The following ZEB1 variants were observed in gnomAD, a reference collection of about 807,000 sequenced individuals.
ZEB1 encodes the protein zinc finger E-box-binding homeobox 1.
A neutral mutation model predicts 84.9 loss-of-function variants in ZEB1; 21 were observed. The ratio of observed to expected loss-of-function variants is 0.25; its 90% CI spans 0.18 to 0.36. The LOEUF is 0.36. ZEB1 is among the 10% of genes least tolerant of loss of function. ZEB1 has a pLI of 1.00. For missense variants in ZEB1, 1,104 were observed against 1,330.2 expected, an observed-to-expected ratio of 0.83 and a Z score of 2.65; for synonymous variants, 420 against 471.1, an observed-to-expected ratio of 0.89 and a Z score of 1.41.
At chr10:31,481,580 T>C (rs2065046343) in intron 2 of ZEB1, among the ~76,000 whole-genome samples, 1 of 151,810 alleles carries the variant, frequency 6.6e-6, no homozygotes, top group Admixed American at 6.6e-5. Flanking sequence ...TCCCAACTAC[T>C]CGGGAGGCTG....
chr10:31,378,636 T>A (rs1347745873), intron 1 of ZEB1, among the ~76,000 whole-genome samples: 1 of 151,808 alleles, frequency 6.6e-6, no homozygotes. Flanking sequence ...AAGAAAAACT[T>A]TTTTTTCTTG....
intron 4 of ZEB1, 42 bp downstream of exon 4, chr10:31,502,551 G>A: frequency 5.0e-6 from 8 of 1,612,708 alleles, no homozygotes; most frequent in Non-Finnish European, 6.8e-6. Context: ...CCTCTTTAAA[G>A]GATTCTTGTT....
intron 1 of ZEB1, among the ~76,000 whole-genome samples, chr10:31,448,999 C>A (rs1591395250): frequency 6.6e-6 from 1 of 152,350 alleles, no homozygotes; most frequent in East Asian, 1.9e-4. Flanking sequence ...ATGGCGGGCG[C>A]CCCTCCCCCA....
chr10:31,341,812 A>G (rs1410521917), intron 1 of ZEB1, among the ~76,000 whole-genome samples: 1 of 152,216 alleles, frequency 6.6e-6, no homozygotes, highest in Non-Finnish European at 1.5e-5. Flanking sequence ...CAACCTGAAG[A>G]TCCAAGCAAG....
At chr10:31,500,063 G>A (rs2067895675) in intron 3 of ZEB1, among the ~76,000 whole-genome samples, 1 of 151,780 alleles carries the variant, frequency 6.6e-6, no homozygotes, top group Non-Finnish European at 1.5e-5. Flanking sequence ...ATTTTTATTA[G>A]GATGTAGAAA....
chr10:31,495,877 A>G, intron 3 of ZEB1, 39 bp downstream of exon 3: 1 of 1,609,478 alleles, frequency 6.2e-7, no homozygotes, highest in South Asian at 1.1e-5. Flanking sequence ...ATAGCCTTTA[A>G]AAGAAGGTCT....
At chr10:31,474,223 A>G (rs1198051140) in intron 2 of ZEB1, among the ~76,000 whole-genome samples, 4 of 152,004 alleles carry the variant, frequency 2.6e-5, no homozygotes, top group Non-Finnish European at 5.9e-5. Context: ...ATCTAATTAA[A>G]CTAAAGAGCT....
At chr10:31,453,637 A>C (rs2060856395) in intron 1 of ZEB1, among the ~76,000 whole-genome samples, 1 of 152,192 alleles carries the variant, frequency 6.6e-6, no homozygotes, top group Non-Finnish European at 1.5e-5. Flanking sequence ...TTGACCTCGC[A>C]AATAAACTAG....
intron 1 of ZEB1, among the ~76,000 whole-genome samples, chr10:31,432,544 A>G (rs1453870109): frequency 6.6e-6 from 1 of 152,170 alleles, no homozygotes. Context: ...AGCTGTGATC[A>G]TGCCACTGCA....
At chr10:31,500,123 T>A (rs2067905959) in intron 3 of ZEB1, among the ~76,000 whole-genome samples, 1 of 152,102 alleles carries the variant, frequency 6.6e-6, no homozygotes, top group Non-Finnish European at 1.5e-5. Context: ...TAATATAATT[T>A]GATAAAAATA....
Position 31,513,512 on chromosome 10 carries a change from G to A in ZEB1, c.688-1091G>A, listed in dbSNP as rs561093560. ...GTTTAGAGATACAAATGTGGGAGTC[G>A]CCACCATATATTTGGTATTTTAAGT... On this transcript the variant is annotated intron_variant, in intron 5 of 8. Transcript: ENST00000424869. Among the ~76,000 whole-genome samples the A allele has an allele frequency of 5.6e-4, 85 of 152,176 alleles. 2 individuals carry two copies. The highest frequency in any genetic ancestry group is 6.8e-3 in the Middle Eastern group (2 of 294).
intron 1 of ZEB1, among the ~76,000 whole-genome samples, chr10:31,393,122 A>C (rs2050078393): frequency 6.6e-6 from 1 of 152,212 alleles, no homozygotes; most frequent in South Asian, 2.1e-4. Context: ...ATCAGGCATG[A>C]GCCACCATGC....
intron 1 of ZEB1, among the ~76,000 whole-genome samples, chr10:31,395,360 A>G (rs1040811900): frequency 6.6e-6 from 1 of 152,092 alleles, no homozygotes; most frequent in Non-Finnish European, 1.5e-5. Context: ...ACTAGTGCTA[A>G]CTTTATGCAA....
chr10:31,421,907 G>A (rs374637064), intron 1 of ZEB1, among the ~76,000 whole-genome samples: 1 of 152,090 alleles, frequency 6.6e-6, no homozygotes, highest in East Asian at 1.9e-4. Context: ...ATCAATCACT[G>A]CACCAACTCA....
At chr10:31,369,359 C>T (rs1234385939) in intron 1 of ZEB1, among the ~76,000 whole-genome samples, 1 of 152,222 alleles carries the variant, frequency 6.6e-6, no homozygotes, top group East Asian at 1.9e-4. Context: ...ACTCCCCCCA[C>T]CACCCTCCTA....
chr10:31,470,078 A>G (rs2063005646), intron 2 of ZEB1, among the ~76,000 whole-genome samples: 2 of 151,914 alleles, frequency 1.3e-5, no homozygotes, highest in African/African-American at 4.8e-5. Flanking sequence ...ACCATCATCA[A>G]AGACCAAAAG....
chr10:31,395,567 G>T (rs1467544619), intron 1 of ZEB1, among the ~76,000 whole-genome samples: 2 of 152,088 alleles, frequency 1.3e-5, no homozygotes, highest in Admixed American at 1.3e-4. Flanking sequence ...TGAGATTTGG[G>T]CAGGGGAAAG....
chr10:31,413,170 A>G (rs1006954726), intron 1 of ZEB1, among the ~76,000 whole-genome samples: 11 of 152,232 alleles, frequency 7.2e-5, no homozygotes, highest in Admixed American at 3.9e-4. Context: ...AGTAAATATA[A>G]TATCTGTTCA....
At chr10:31,417,898 T>A (rs1174741891) in intron 1 of ZEB1, among the ~76,000 whole-genome samples, 1 of 152,054 alleles carries the variant, frequency 6.6e-6, no homozygotes, top group African/African-American at 2.4e-5. Context: ...CTGCTTATAG[T>A]CTAGTGGGAA....
Sources: allele counts gnomAD v4.1 joint callset (sites outside exome capture counted in the v4.1 genomes callset), GRCh38; gene constraint gnomAD v4.1.1; transcripts MANE v1.5; gene names NCBI Gene and HGNC (gene_info 2026-07-23, HGNC 2026-07-21).